The following USP32 variants were observed in gnomAD, a reference collection of about 807,000 sequenced individuals.
USP32 encodes ubiquitin carboxyl-terminal hydrolase 32.
In USP32, 59 loss-of-function variants were observed where a neutral mutation model predicts 204.8. The ratio of observed to expected loss-of-function variants is 0.29; its 90% CI spans 0.23 to 0.36. USP32 has a LOEUF of 0.36. Ranked by LOEUF, USP32 falls within the 10% of genes least tolerant of loss-of-function variation. The pLI is 1.00. For synonymous variants in USP32, 517 were observed against 678.4 expected, an observed-to-expected ratio of 0.76 and a Z score of 3.70; for missense variants, 1,160 against 1,946.4, an observed-to-expected ratio of 0.60 and a Z score of 7.60.
chr17:60,313,236 GTGAGACTCTGTC>G (rs1567846644), intron 2 of USP32, among the ~76,000 whole-genome samples: 1 of 152,002 alleles, frequency 6.6e-6, no homozygotes, highest in African/African-American at 2.4e-5. Context: ...GGGTGACAGA[GTGAGACTCTGTC>G]TCAAAAAATA....
chr17:60,190,622 T>C lies in USP32; in HGVS notation c.3583A>G (p.Ile1195Val), dbSNP rs773612394. ...GCTGTGGGATCCCAATCCACAGCGA[T>C]ATAGGCATTTCCAATGAAAGCTCTG... ...EDRAFIGNAY[I>V]AVDWDPTALH... is the part of the protein sequence containing the mutation. The change falls in exon 29 of 34, where the codon ATC becomes GTC. Residue 1195 changes from isoleucine to valine, a missense_variant. Transcript: ENST00000300896. 31 of 1,606,704 alleles carry C rather than the reference T, an allele frequency of 1.9e-5. No individual in the cohort carries two copies. The highest frequency in any genetic ancestry group is 2.6e-5 in the Non-Finnish European group (31 of 1,178,116).
rs2084159220 is a variant in USP32 at position 60,183,189 on chromosome 17, C to T, written c.4099G>A (p.Ala1367Thr). 7 of 1,613,588 alleles carry T rather than the reference C, an allele frequency of 4.3e-6. No individual in the cohort carries two copies. The highest frequency in any genetic ancestry group is 2.7e-5 in the African/African-American group (2 of 75,048). The change falls in exon 31 of 34, where the codon GCT becomes ACT. Residue 1367 changes from alanine to threonine, a missense_variant. Ala to Thr is a moderately conservative substitution (Grantham distance 58). Around this residue, in one of 8 missense-constraint regions of USP32, gnomAD observed 244 missense variants for 342.3 expected, o/e 0.71. Coordinates refer to ENST00000300896, the MANE Select transcript of USP32 (RefSeq NM_032582.4). ...LLSKSPSSLSANIISSPKGSP... is the reference protein window; with the variant it reads ...LLSKSPSSLSTNIISSPKGSP... ...CCTTTCGGGCTGCTGATGATGTTAG[C>T]GCTGAGTGAGGATGGGCTTTTGCTC...
intron 2 of USP32, among the ~76,000 whole-genome samples, chr17:60,330,870 T>A (rs1449883877): frequency 6.6e-6 from 1 of 152,118 alleles, no homozygotes; most frequent in South Asian, 2.1e-4. Flanking sequence ...ATCCCAACTT[T>A]CCCAGCCTAA....
intron 3 of USP32, among the ~76,000 whole-genome samples, chr17:60,299,150 C>T (rs1221353161): frequency 6.6e-6 from 1 of 152,094 alleles, no homozygotes; most frequent in African/African-American, 2.4e-5. Context: ...CCCCTATCCC[C>T]TCCAAAAACA....
upstream of USP32, chr17:60,392,167 C>A (rs1330641438): frequency 1.6e-5 from 9 of 556,778 alleles, no homozygotes; most frequent in South Asian, 1.8e-4. Flanking sequence ...CCCCTGCCTC[C>A]TACTCCGCCC....
intron 1 of USP32, among the ~76,000 whole-genome samples, chr17:60,405,906 C>T (rs147275848): frequency 0.013 from 1,941 of 152,184 alleles, 14 homozygotes; most frequent in Non-Finnish European, 0.021. Context: ...TGTAATCCAG[C>T]ACTTTGGGAG....
chr17:60,280,426 G>A (rs1322066984), intron 5 of USP32, among the ~76,000 whole-genome samples: 1 of 152,096 alleles, frequency 6.6e-6, no homozygotes, highest in Non-Finnish European at 1.5e-5. Context: ...TTCTAAGTCT[G>A]TACTGAATAC....
At chr17:60,382,255 T>C (rs1228103411) in intron 1 of USP32, among the ~76,000 whole-genome samples, 1 of 152,240 alleles carries the variant, frequency 6.6e-6, no homozygotes, top group African/African-American at 2.4e-5. Context: ...GGCTCATGCC[T>C]ATGATCCCAG....
chr17:60,253,416 A>T (rs1406211778), intron 10 of USP32, among the ~76,000 whole-genome samples: 1 of 128,390 alleles, frequency 7.8e-6, no homozygotes, highest in African/African-American at 4.3e-5. Flanking sequence ...AGTTTAATTA[A>T]AAAAAAAAAA....
In USP32 at chr17:60,183,187, A is replaced by T; in HGVS notation, c.4101T>A (p.Ala1367=). ...CACCTTTCGGGCTGCTGATGATGTT[A>T]GCGCTGAGTGAGGATGGGCTTTTGC... The part of the protein sequence containing the change: ...LLSKSPSSLS[A]NIISSPKGSP... The change falls in exon 31 of 34, where the codon GCT becomes GCA. Residue 1367 remains alanine (A), a synonymous_variant. Transcript: ENST00000300896. 1 of 1,613,704 alleles carries T rather than the reference A, an allele frequency of 6.2e-7. No individual in the cohort carries two copies. The highest frequency in any genetic ancestry group is 8.5e-7 in the Non-Finnish European group (1 of 1,179,716).
chr17:60,366,123 A>G (rs1409193501), intron 1 of USP32, among the ~76,000 whole-genome samples: 1 of 150,878 alleles, frequency 6.6e-6, no homozygotes, highest in African/African-American at 2.4e-5. Context: ...GATTACAGGC[A>G]TGTGACACCA....
Position 60,178,739 on chromosome 17 carries a change from G to A in USP32, c.*516C>T, listed in dbSNP as rs1018798074. Among the ~76,000 whole-genome samples the A allele has an allele frequency of 3.3e-5, 5 of 152,290 alleles. No homozygotes were observed. The highest frequency in any genetic ancestry group is 1.9e-4 in the East Asian group (1 of 5,194). On this transcript the variant is annotated 3_prime_UTR_variant, in exon 34 of 34. Transcript: ENST00000300896. ...TTAAAAAATAAATTGAAAAATCCTC[G>A]TCCATGCCTTAAGAATCATTTGCAC...
At chr17:60,225,269 A>G (rs1176070468) in intron 13 of USP32, among the ~76,000 whole-genome samples, 2 of 152,132 alleles carry the variant, frequency 1.3e-5, no homozygotes, top group East Asian at 3.9e-4. Flanking sequence ...CCTGGGCAAC[A>G]TGGCAAAACC....
In USP32 at chr17:60,357,035, C is replaced by CTA. The variant is rs529946246; in HGVS notation, c.59-11429_59-11428dup. 1.1e-3 allele frequency among the ~76,000 whole-genome samples: 172 copies of CTA among 152,328 alleles called. 1 individual carries two copies. The highest frequency in any genetic ancestry group is 3.2e-3 in the African/African-American group (132 of 41,572). On this transcript the variant is annotated intron_variant, in intron 1 of 33. Transcript: ENST00000300896. ...TTGAGAAGTATGAGGTTGCAGTGAA[C>CTA]TATGATTGCATCACTGCACTCCAGC...
chr17:60,421,565 A>C (rs2090114338), intron 1 of USP32: 1 of 985,460 alleles, frequency 1.0e-6, no homozygotes, highest in Non-Finnish European at 1.2e-6. Flanking sequence ...GTTTCAGGGA[A>C]GAAAAGGTGG....
chr17:60,316,669 C>T (rs917157964), intron 2 of USP32, among the ~76,000 whole-genome samples: 2 of 151,910 alleles, frequency 1.3e-5, no homozygotes, highest in African/African-American at 2.4e-5. Flanking sequence ...GGTGAAATCC[C>T]GTCTCTACTA....
intron 26 of USP32, among the ~76,000 whole-genome samples, chr17:60,204,343 G>A (rs1713136739): frequency 6.6e-6 from 1 of 152,048 alleles, no homozygotes; most frequent in Non-Finnish European, 1.5e-5. Context: ...TTAGAGACAA[G>A]GTCTCACTTA....
chr17:60,385,816 C>T (rs2089720857), intron 1 of USP32, among the ~76,000 whole-genome samples: 1 of 149,616 alleles, frequency 6.7e-6, no homozygotes, highest in South Asian at 2.1e-4. Flanking sequence ...GCACTCCAGC[C>T]TGAGCAATAG....
At chr17:60,392,159 C>T, upstream of USP32, 2 of 557,210 alleles carry the variant, frequency 3.6e-6, no homozygotes, top group Middle Eastern at 4.7e-4. Flanking sequence ...GCCCCCTTCC[C>T]CTGCCTCCTA....
Sources: gnomAD v4.1 joint callset for allele counts (sites outside exome capture counted in the v4.1 genomes callset) on GRCh38, gnomAD v4.1.1 for gene constraint, gnomAD v4.1.1 regional missense constraint, MANE v1.5 for transcripts, NCBI Gene and HGNC (gene_info 2026-07-23, HGNC 2026-07-21) for gene names.